Variants in ENTREP2 observed in about 807,000 individuals in gnomAD.
The protein encoded by ENTREP2 is endosomal transmembrane epsin interactor 2, also known as protein ENTREP2.
the ENTREP2 span, among the ~76,000 whole-genome samples, chr15:29,520,391 A>T: frequency 1.8e-4 from 27 of 152,314 alleles, no homozygotes; most frequent in African/African-American, 6.0e-4. Flanking sequence ...TAGCAAACTG[A>T]CTGTCAGAGA....
the ENTREP2 span, among the ~76,000 whole-genome samples, chr15:29,323,864 A>G: frequency 6.6e-6 from 1 of 152,170 alleles, no homozygotes; most frequent in East Asian, 1.9e-4. Flanking sequence ...TTTTTTCCCA[A>G]ACAGTACCTA....
chr15:29,199,696 T>C, the ENTREP2 span, among the ~76,000 whole-genome samples: 1 of 152,248 alleles, frequency 6.6e-6, no homozygotes, highest in African/African-American at 2.4e-5. Context: ...GTTTATCTTT[T>C]TATCCTCTCA....
chr15:29,618,340 T>A, the ENTREP2 span, among the ~76,000 whole-genome samples: 60 of 151,846 alleles, frequency 4.0e-4, 1 homozygote, highest in African/African-American at 1.4e-3. Flanking sequence ...GGAGAATCGA[T>A]TGAACCCGGG....
chr15:29,355,819 G>C, the ENTREP2 span, among the ~76,000 whole-genome samples: 1 of 152,196 alleles, frequency 6.6e-6, no homozygotes, highest in Non-Finnish European at 1.5e-5. Context: ...GAGAGCTGAA[G>C]TCAGATAGTA....
At chr15:29,537,954 C>A in the ENTREP2 span, among the ~76,000 whole-genome samples, 1 of 152,160 alleles carries the variant, frequency 6.6e-6, no homozygotes, top group Non-Finnish European at 1.5e-5. Context: ...TGAAAAATCA[C>A]CTCATTAATG....
At chr15:29,387,146 G>A in the ENTREP2 span, among the ~76,000 whole-genome samples, 1 of 152,016 alleles carries the variant, frequency 6.6e-6, no homozygotes, top group Non-Finnish European at 1.5e-5. Context: ...TGTCATAGAT[G>A]GCTCTTATTA....
the ENTREP2 span, chr15:29,128,893 C>T: frequency 8.1e-5 from 123 of 1,521,934 alleles, no homozygotes; most frequent in Admixed American, 8.6e-4. Context: ...AGCGTCAAGG[C>T]GGCTGGTCCG....
At chr15:29,628,918 T>A in the ENTREP2 span, among the ~76,000 whole-genome samples, 11 of 152,190 alleles carry the variant, frequency 7.2e-5, no homozygotes, top group Admixed American at 2.6e-4. Context: ...CCCGGCTAAT[T>A]TTTGTAATTT....
the ENTREP2 span, among the ~76,000 whole-genome samples, chr15:29,233,521 T>C: frequency 6.6e-6 from 1 of 152,182 alleles, no homozygotes; most frequent in African/African-American, 2.4e-5. Flanking sequence ...AGAAAATAAT[T>C]TGTATAGGCC....
chr15:29,391,066 C>T, the ENTREP2 span, among the ~76,000 whole-genome samples: 1 of 152,066 alleles, frequency 6.6e-6, no homozygotes, highest in Non-Finnish European at 1.5e-5. Context: ...AGCTGATCTT[C>T]CTACTTCACC....
At chr15:29,152,449 CCT>C in the ENTREP2 span, among the ~76,000 whole-genome samples, 1 of 152,192 alleles carries the variant, frequency 6.6e-6, no homozygotes, top group African/African-American at 2.4e-5. Context: ...GTTCTGATCC[CCT>C]GTCAATCGCT....
the ENTREP2 span, among the ~76,000 whole-genome samples, chr15:29,303,923 C>A: frequency 1.3e-5 from 2 of 152,072 alleles, no homozygotes; most frequent in Admixed American, 6.6e-5. Flanking sequence ...CTCTGTCACC[C>A]AGGCCGGAAT....
the ENTREP2 span, among the ~76,000 whole-genome samples, chr15:29,379,090 C>T: frequency 3.9e-5 from 6 of 152,210 alleles, no homozygotes; most frequent in African/African-American, 9.7e-5. Context: ...GTCTGCAGTG[C>T]AGAACTGCCT....
At chr15:29,573,648 T>C in the ENTREP2 span, among the ~76,000 whole-genome samples, 3 of 150,778 alleles carry the variant, frequency 2.0e-5, no homozygotes, top group Non-Finnish European at 4.4e-5. Context: ...TCTCCCCCCC[T>C]CTCTCTCTCC....
chr15:29,615,729 C>T, the ENTREP2 span, among the ~76,000 whole-genome samples: 2 of 152,178 alleles, frequency 1.3e-5, no homozygotes, highest in Admixed American at 6.5e-5. Flanking sequence ...TCCTACCCTA[C>T]ACTTCAGATT....
At chr15:29,290,282 C>T in the ENTREP2 span, among the ~76,000 whole-genome samples, 4 of 152,194 alleles carry the variant, frequency 2.6e-5, no homozygotes, top group Non-Finnish European at 4.4e-5. Context: ...GTGTGCCAGG[C>T]GTGCTTCCAC....
At chr15:29,179,704 C>T in the ENTREP2 span, among the ~76,000 whole-genome samples, 1 of 151,914 alleles carries the variant, frequency 6.6e-6, no homozygotes. Context: ...CCTCAGCCTC[C>T]CGAGTAGCTG....
the ENTREP2 span, among the ~76,000 whole-genome samples, chr15:29,257,654 T>C: frequency 6.6e-6 from 1 of 152,212 alleles, no homozygotes; most frequent in Non-Finnish European, 1.5e-5. Context: ...TCTTACTTTT[T>C]CTGTTAATAC....
the ENTREP2 span, among the ~76,000 whole-genome samples, chr15:29,631,725 T>A: frequency 6.6e-6 from 1 of 152,130 alleles, no homozygotes; most frequent in Admixed American, 6.6e-5. Flanking sequence ...TAGCTGGGGG[T>A]GGGGACAGAA....
Sources: gnomAD v4.1 joint callset for allele counts (sites outside exome capture counted in the v4.1 genomes callset) on GRCh38, gnomAD v4.1.1 for gene constraint, MANE v1.5 for transcripts, NCBI Gene and HGNC (gene_info 2026-07-23, HGNC 2026-07-21) for gene names.